Variants in WWC2 observed in about 807,000 individuals in gnomAD.
WWC2 encodes protein WWC2.
A neutral mutation model predicts 138.5 loss-of-function variants in WWC2; 101 were observed. The observed-to-expected ratio is 0.73, with a 90% CI of 0.62 to 0.86. The LOEUF is 0.86. Ranked by LOEUF, WWC2 falls within the 40% of genes least tolerant of loss-of-function variation. The pLI, the probability that WWC2 is intolerant of heterozygous loss-of-function variation, is 0.00. For missense variants in WWC2, 1,420 were observed against 1,419.4 expected (o/e 1.00, Z -0.01); for synonymous variants, 558 against 538.4 (o/e 1.04, Z -0.50).
chr4:183,275,153 T>TTTTTG (rs79118941), intron 16 of WWC2, among the ~76,000 whole-genome samples: 3 of 151,818 alleles, frequency 2.0e-5, no homozygotes, highest in Non-Finnish European at 2.9e-5. Context: ...GCACAGTTGA[T>TTTTTG]TTTATCTTGT....
In WWC2 at chr4:183,127,928, ACAATC is replaced by A. The variant is rs930688161; in HGVS notation, c.131+28312_131+28316del. ...GACATTTTCCAAGGAAACTATGAGA[ACAATC>A]CAATCTAATAAAGAAATGTACATTA... is the stretch of plus-strand genomic sequence containing the variant. On this transcript the variant is annotated intron_variant, in intron 1 of 22. Coordinates refer to ENST00000403733, the MANE Select transcript of WWC2 (RefSeq NM_024949.6). 3.9e-5 allele frequency among the ~76,000 whole-genome samples: 6 copies of A among 152,130 alleles called. No individual in the cohort carries two copies. In the East Asian group the frequency reaches 9.6e-4, roughly 24 times the overall value.
intron 21 of WWC2, among the ~76,000 whole-genome samples, chr4:183,300,814 G>A (rs1179723606): frequency 6.6e-6 from 1 of 151,844 alleles, no homozygotes; most frequent in Admixed American, 6.6e-5. Context: ...AGAAATGCTA[G>A]AAGTTGAAAA....
At chr4:183,223,548 A>G (rs1182702863) in intron 4 of WWC2, among the ~76,000 whole-genome samples, 2 of 152,182 alleles carry the variant, frequency 1.3e-5, no homozygotes, top group Non-Finnish European at 2.9e-5. Flanking sequence ...CAATGCCATT[A>G]TTATTTTGGA....
At chr4:183,099,863 C>T (rs1312854626) in intron 1 of WWC2, among the ~76,000 whole-genome samples, 5 of 152,158 alleles carry the variant, frequency 3.3e-5, no homozygotes, top group Non-Finnish European at 7.4e-5. Context: ...AGTCGCTGCC[C>T]CGGGCCGACG....
At chr4:183,141,978 A>G (rs1020502560) in intron 1 of WWC2, among the ~76,000 whole-genome samples, 3 of 152,224 alleles carry the variant, frequency 2.0e-5, no homozygotes, top group Admixed American at 6.5e-5. Context: ...GTAACAGACA[A>G]AGAAATACAT....
At chr4:183,232,740 C>G (rs563848634) in intron 4 of WWC2, among the ~76,000 whole-genome samples, 61 of 152,088 alleles carry the variant, frequency 4.0e-4, no homozygotes, top group African/African-American at 1.4e-3. Context: ...CTCTGCCTCC[C>G]GGGTTCAAGT....
chr4:183,209,783 T>TTAA (rs1402733829), intron 4 of WWC2, among the ~76,000 whole-genome samples: 2 of 152,352 alleles, frequency 1.3e-5, no homozygotes, highest in Non-Finnish European at 1.5e-5. Flanking sequence ...TAAACTGATG[T>TTAA]TAAGGCCAGA....
intron 4 of WWC2, among the ~76,000 whole-genome samples, chr4:183,213,203 C>T (rs757842533): frequency 8.5e-5 from 13 of 152,250 alleles, no homozygotes; most frequent in Non-Finnish European, 1.6e-4. Context: ...ACAGATGGTG[C>T]GCTGTTTGGT....
chr4:183,159,267 G>A (rs1579998071), intron 1 of WWC2, among the ~76,000 whole-genome samples: 2 of 152,140 alleles, frequency 1.3e-5, no homozygotes, highest in African/African-American at 4.8e-5. Context: ...TTCTGACTAG[G>A]CATGGATTTA....
chr4:183,186,959 T>C (rs1433691053), intron 1 of WWC2, among the ~76,000 whole-genome samples: 1 of 152,172 alleles, frequency 6.6e-6, no homozygotes, highest in African/African-American at 2.4e-5. Context: ...GGCTACCTCG[T>C]TATGTTTCCT....
intron 10 of WWC2, among the ~76,000 whole-genome samples, chr4:183,260,393 A>G (rs1382300399): frequency 6.6e-6 from 1 of 152,236 alleles, no homozygotes; most frequent in East Asian, 1.9e-4. Flanking sequence ...TGAAAAGGTT[A>G]ACGAAGAAGC....
At chr4:183,297,061 A>G (rs1682562635) in intron 21 of WWC2, among the ~76,000 whole-genome samples, 1 of 151,788 alleles carries the variant, frequency 6.6e-6, no homozygotes, top group Non-Finnish European at 1.5e-5. Context: ...TACAGCCTCA[A>G]CCTCCCAGGT....
rs1177516738 is a variant in WWC2 at position 183,318,961 on chromosome 4, C to T, written c.*3232C>T. 3 of 152,356 alleles carry T rather than the reference C, an allele frequency of 2.0e-5. No homozygotes were observed. Among genetic ancestry groups the T allele is most frequent in the African/African-American group, 7.2e-5 (3 of 41,430 alleles). 9.4% of individuals were successfully genotyped at this position (152,356 alleles called of 1,614,324 possible). ...TGTGGCAGAGTCTACTTGAATCATC[C>T]AAAACCCAAGATCGCCCTCCTGCCT... On this transcript the variant is annotated 3_prime_UTR_variant, in exon 23 of 23. Transcript: ENST00000403733.
rs1264164503 is a variant in WWC2 at position 183,253,988 on chromosome 4, T to G, written c.1185T>G (p.Ala395=). 1 of 1,613,012 alleles carries G rather than the reference T, an allele frequency of 6.2e-7. No homozygotes were observed. Among genetic ancestry groups the G allele is most frequent in the East Asian group, 2.2e-5 (1 of 44,890 alleles). Residue 395 remains alanine, a synonymous_variant, in exon 9 of 23, where the codon GCT becomes GCG. Coordinates refer to ENST00000403733, the MANE Select transcript of WWC2 (RefSeq NM_024949.6). The part of the protein sequence containing the change: ...LLSVRGTPSR[A]LAERLRLEER... ...CTGTGAGGGGAACACCAAGCAGAGC[T>G]CTGGCCGAGAGGTTTGTTTTCCTTC...
At chr4:183,222,726 G>A (rs982455303) in intron 4 of WWC2, among the ~76,000 whole-genome samples, 1 of 152,150 alleles carries the variant, frequency 6.6e-6, no homozygotes, top group African/African-American at 2.4e-5. Context: ...GGGAGGCTGA[G>A]GCGGGCAGAT....
chr4:183,314,239 T>G (rs1426369076), intron 22 of WWC2, among the ~76,000 whole-genome samples: 4 of 152,180 alleles, frequency 2.6e-5, no homozygotes, highest in African/African-American at 7.2e-5. Context: ...TACCACTACT[T>G]GGGTTTTAGA....
intron 22 of WWC2, among the ~76,000 whole-genome samples, chr4:183,313,243 G>T (rs887831964): frequency 6.6e-6 from 1 of 152,184 alleles, no homozygotes; most frequent in Admixed American, 6.5e-5. Flanking sequence ...AGTTGCACAG[G>T]CCTTGGAAGC....
At chr4:183,174,399 G>A (rs1734397368) in intron 1 of WWC2, among the ~76,000 whole-genome samples, 1 of 152,034 alleles carries the variant, frequency 6.6e-6, no homozygotes, top group African/African-American at 2.4e-5. Context: ...TCTGCTTCTG[G>A]GCTTTCTCTA....
At chr4:183,312,578 C>G in intron 22 of WWC2, 110 bp downstream of exon 22, 2 of 1,473,554 alleles carry the variant, frequency 1.4e-6, no homozygotes, top group Non-Finnish European at 1.9e-6. Context: ...GACAGAAGTC[C>G]TCTGTTCTCT....
Sources: gnomAD v4.1 joint callset for allele counts (sites outside exome capture counted in the v4.1 genomes callset) on GRCh38, gnomAD v4.1.1 for gene constraint, MANE v1.5 for transcripts, NCBI Gene and HGNC (gene_info 2026-07-23, HGNC 2026-07-21) for gene names.